The following R3HDM2 variants were observed in gnomAD, a reference collection of about 807,000 sequenced individuals.
R3HDM2 encodes the protein R3H domain-containing protein 2.
Under a neutral mutation model 124.5 loss-of-function variants are expected in R3HDM2, and 38 were observed. The ratio of observed to expected loss-of-function variants is 0.31; its 90% CI spans 0.24 to 0.40. The LOEUF is 0.40. R3HDM2 is among the 10% of genes least tolerant of loss of function. The pLI is 1.00. For synonymous variants in R3HDM2, 391 were observed against 448.0 expected (o/e 0.87, Z 1.61); for missense variants, 869 against 1,236.9 (o/e 0.70, Z 4.46).
chr12:57,419,113 G>A (rs2069932006), intron 1 of R3HDM2, among the ~76,000 whole-genome samples: 1 of 149,612 alleles, frequency 6.7e-6, no homozygotes, highest in Non-Finnish European at 1.5e-5. Flanking sequence ...TCAAAATACT[G>A]CCCCATATAT....
At chr12:57,412,314 G>GA (rs2069080448) in intron 1 of R3HDM2, among the ~76,000 whole-genome samples, 1 of 151,764 alleles carries the variant, frequency 6.6e-6, no homozygotes, top group African/African-American at 2.4e-5. Flanking sequence ...GGCCAAGGGG[G>GA]GCGAATCACT....
intron 2 of R3HDM2, among the ~76,000 whole-genome samples, chr12:57,374,546 G>T (rs1196741845): frequency 6.6e-6 from 1 of 151,414 alleles, no homozygotes; most frequent in Non-Finnish European, 1.5e-5. Flanking sequence ...AGCCAGGCAT[G>T]GTGGCAGGTA....
chr12:57,350,473 T>C (rs899722225), intron 2 of R3HDM2, among the ~76,000 whole-genome samples: 1 of 151,858 alleles, frequency 6.6e-6, no homozygotes, highest in Non-Finnish European at 1.5e-5. Context: ...GGATGGCAAA[T>C]AAAACTACAT....
intron 2 of R3HDM2, among the ~76,000 whole-genome samples, chr12:57,358,643 C>CAA (rs1197103798): frequency 1.6e-4 from 14 of 89,362 alleles, no homozygotes; most frequent in East Asian, 3.2e-4. Context: ...GACTCCATCT[C>CAA]AAAAAAAAAA....
intron 1 of R3HDM2, 49 bp downstream of exon 1, chr12:57,430,671 C>T: frequency 1.2e-6 from 1 of 844,808 alleles, no homozygotes; most frequent in Non-Finnish European, 1.4e-6. Context: ...CGCCCCCTCC[C>T]CACAGGCCGT....
chr12:57,317,194 TTTTG>T (rs937984496), intron 2 of R3HDM2, among the ~76,000 whole-genome samples: 7 of 151,070 alleles, frequency 4.6e-5, no homozygotes, highest in Non-Finnish European at 8.9e-5. Flanking sequence ...TTGTGTTTTT[TTTTG>T]TTTGTTTTTT....
intron 14 of R3HDM2, among the ~76,000 whole-genome samples, chr12:57,278,784 C>T (rs2045456896): frequency 6.6e-6 from 1 of 152,166 alleles, no homozygotes; most frequent in Admixed American, 6.5e-5. Context: ...ATGCAAATTA[C>T]ATTTAGACAC....
chr12:57,277,141 C>T (rs991624542), intron 14 of R3HDM2, among the ~76,000 whole-genome samples: 3 of 151,344 alleles, frequency 2.0e-5, no homozygotes, highest in Non-Finnish European at 4.4e-5. Context: ...GATGTGGCTG[C>T]CACCTACTGG....
At chr12:57,275,305 T>C (rs1261125055) in intron 14 of R3HDM2, among the ~76,000 whole-genome samples, 1 of 152,134 alleles carries the variant, frequency 6.6e-6, no homozygotes, top group South Asian at 2.1e-4. Context: ...TCTCACCTTA[T>C]ACAAAAATCA....
rs58868663 is a variant in R3HDM2 at position 57,421,161 on chromosome 12, CTT to C, written c.-106+9557_-106+9558del. 1.9e-3 allele frequency among the ~76,000 whole-genome samples: 222 copies of C among 119,232 alleles called. 1 individual carries two copies. The highest frequency in any genetic ancestry group is 4.8e-3 in the African/African-American group (153 of 32,054). 78.2% of individuals were successfully genotyped at this position (119,232 alleles called of 152,430 possible). Reference sequence around the variant, plus strand: ...TACACATCTCCATGTCTAACAGATTCTTTTTTTTTTTTTTTTTTCTGAGACAG... The same window carrying C: ...TACACATCTCCATGTCTAACAGATTCTTTTTTTTTTTTTTTTCTGAGACAG... On this transcript the variant is annotated intron_variant, in intron 1 of 23. Coordinates refer to ENST00000402412, the MANE Select transcript of R3HDM2 (RefSeq NM_001394031.1).
intron 4 of R3HDM2, among the ~76,000 whole-genome samples, chr12:57,301,842 T>C (rs963815453): frequency 2.0e-5 from 3 of 152,268 alleles, no homozygotes; most frequent in Non-Finnish European, 4.4e-5. Context: ...TTTAATACTT[T>C]ACTGCTTCCC....
At chr12:57,429,151 C>CTGAGGCCAGAGGATCACT (rs1368775760) in intron 1 of R3HDM2, among the ~76,000 whole-genome samples, 1 of 152,118 alleles carries the variant, frequency 6.6e-6, no homozygotes, top group African/African-American at 2.4e-5. Context: ...TTTTGGGAGT[C>CTGAGGCCAGAGGATCACT]TGAGGCCAGA....
At chr12:57,336,545 T>C in intron 2 of R3HDM2, among the ~76,000 whole-genome samples, 1 of 152,182 alleles carries the variant, frequency 6.6e-6, no homozygotes, top group East Asian at 1.9e-4. Context: ...CTATTATCCT[T>C]AGCAAACTAA....
intron 2 of R3HDM2, among the ~76,000 whole-genome samples, chr12:57,336,066 A>G (rs1191337778): frequency 6.6e-6 from 1 of 151,922 alleles, no homozygotes; most frequent in African/African-American, 2.4e-5. Context: ...CATAGTATCT[A>G]ATGGTATCTC....
intron 2 of R3HDM2, among the ~76,000 whole-genome samples, chr12:57,333,776 C>G (rs1593435977): frequency 6.6e-6 from 1 of 152,028 alleles, no homozygotes; most frequent in East Asian, 1.9e-4. Flanking sequence ...GATGTGGTGG[C>G]TCATGCCTGT....
At chr12:57,299,508 GA>G in intron 5 of R3HDM2, 30 bp from the exon 6 acceptor site, 1 of 1,532,928 alleles carries the variant, frequency 6.5e-7, no homozygotes, top group Non-Finnish European at 8.8e-7. Context: ...ATCAAAGGGG[GA>G]AAAAGATTTT....
Position 57,268,298 on chromosome 12 carries a change from C to CTCA in R3HDM2, c.2030+2_2030+4dup. The CTCA allele has an allele frequency of 6.2e-7, 1 of 1,612,416 alleles. No individual in the cohort carries two copies. Among genetic ancestry groups the CTCA allele is most frequent in the Non-Finnish European group, 8.5e-7 (1 of 1,179,068 alleles). ...GTCCTGTCCTGGCTCTCTGGGAGTC[C>CTCA]TCACCTCGTACCGTTCTGCTGAGCA... On this transcript the variant is annotated splice_donor_region_variant and intron_variant, in intron 18 of 23. Transcript: ENST00000402412.
At chr12:57,325,141 GT>G (rs1344039571) in intron 2 of R3HDM2, among the ~76,000 whole-genome samples, 1 of 152,172 alleles carries the variant, frequency 6.6e-6, no homozygotes, top group Non-Finnish European at 1.5e-5. Flanking sequence ...CACCCAGCAT[GT>G]GCTCTTTTGT....
chr12:57,323,739 T>G (rs1377361965), intron 2 of R3HDM2, among the ~76,000 whole-genome samples: 1 of 152,214 alleles, frequency 6.6e-6, no homozygotes, highest in East Asian at 1.9e-4. Flanking sequence ...TGGACTGAAG[T>G]GTTGGTTGGG....
Sources: gnomAD v4.1 joint callset for allele counts (sites outside exome capture counted in the v4.1 genomes callset) on GRCh38, gnomAD v4.1.1 for gene constraint, MANE v1.5 for transcripts, NCBI Gene and HGNC (gene_info 2026-07-23, HGNC 2026-07-21) for gene names.